DCX: variants seen among roughly 807,000 people sequenced by gnomAD.
DCX encodes the protein neuronal migration protein doublecortin.
Under a neutral mutation model 20.9 loss-of-function variants are expected in DCX, and 4 were observed. That is an observed-to-expected ratio of 0.19 (90% confidence interval 0.09 to 0.44). The LOEUF is 0.44. Ranked by LOEUF, DCX falls within the 20% of genes least tolerant of loss-of-function variation. The pLI is 0.99. For synonymous variants in DCX, 103 were observed against 111.4 expected, an observed-to-expected ratio of 0.92 and a Z score of 0.47; for missense variants, 133 against 296.9, an observed-to-expected ratio of 0.45 and a Z score of 4.06.
chrX:111,383,167 C>T (rs1926113694), intron 3 of DCX, among the ~76,000 whole-genome samples: 1 of 111,045 alleles, frequency 9.0e-6, no homozygotes, highest in African/African-American at 3.3e-5. Context: ...ATGCTAAAAT[C>T]CCCAAACCTC....
chrX:111,318,747 G>A (rs1007050162), intron 5 of DCX, among the ~76,000 whole-genome samples: 1 of 110,941 alleles, frequency 9.0e-6, no homozygotes. Context: ...TAAATGATGA[G>A]AACACATGGA....
chrX:111,397,762 T>C (rs778860888), intron 3 of DCX, among the ~76,000 whole-genome samples: 36 of 107,613 alleles, frequency 3.3e-4, no homozygotes, highest in African/African-American at 1.2e-3. Flanking sequence ...TGTGCATGTG[T>C]GTGTGTGTAT....
At chrX:111,364,893 G>C (rs1394859544) in intron 3 of DCX, among the ~76,000 whole-genome samples, 1 of 109,181 alleles carries the variant, frequency 9.2e-6, no homozygotes, top group Non-Finnish European at 1.9e-5. Flanking sequence ...GTTTTGTTTT[G>C]TTTTGTTTTG....
chrX:111,388,736 G>C (rs1009359651), intron 3 of DCX, among the ~76,000 whole-genome samples: 1 of 112,069 alleles, frequency 8.9e-6, no homozygotes, highest in African/African-American at 3.2e-5. Flanking sequence ...AACACAGTGA[G>C]GATTGATTTG....
At chrX:111,344,608 G>A (rs186610379) in intron 3 of DCX, among the ~76,000 whole-genome samples, 77 of 110,624 alleles carry the variant, frequency 7.0e-4, no homozygotes, top group African/African-American at 2.4e-3. Context: ...GACAAGCAGA[G>A]AACAAAATCA....
chrX:111,363,858 T>A (rs1924404647), intron 3 of DCX, among the ~76,000 whole-genome samples: 1 of 111,668 alleles, frequency 9.0e-6, no homozygotes, highest in South Asian at 3.8e-4. Context: ...TCAATGAAGA[T>A]TAAGTGAAAT....
Position 111,333,157 on chromosome X carries a change from T to C in DCX, c.706-4A>G, listed in dbSNP as rs375649198. The C allele has an allele frequency of 2.1e-5, 25 of 1,168,431 alleles. No individual in the cohort carries two copies. The East Asian group carries it at 2.4e-4, about 11-fold the overall frequency. ...AGAAATCATGGAGACAAGTTACCTA[T>C]GGAGAAAGCAGAAACACTGATTGTA... On this transcript the variant is annotated splice_polypyrimidine_tract_variant and splice_region_variant and intron_variant, in intron 3 of 6. Transcript: ENST00000636035.
rs770716684 is a variant in DCX at position 111,297,657 on chromosome X, A to T, written c.*4030T>A. On this transcript the variant is annotated 3_prime_UTR_variant, in exon 7 of 7. Coordinates refer to ENST00000636035, the MANE Select transcript of DCX (RefSeq NM_001195553.2). Reference sequence around the variant, plus strand: ...TGAGGAGTGGGGTAAGCCCAGAAGGAGGTCTCTTAGAACTGAACTAATAAA... The same window carrying T: ...TGAGGAGTGGGGTAAGCCCAGAAGGTGGTCTCTTAGAACTGAACTAATAAA... The T allele has an allele frequency of 3.6e-5, 4 of 111,707 alleles. No individual in the cohort carries two copies. Among genetic ancestry groups the T allele is most frequent in the Non-Finnish European group, 7.5e-5 (4 of 53,126 alleles). The allele number at this position is 111,707 out of a possible 1,213,427, so 9.2% of individuals were successfully genotyped here.
rs780480548 is a variant in DCX, at chrX:111,393,315, CA to C, written c.705+7674del. ...AAAGAACCTTGACTCTTATCCTGTA[CA>C]CAAAAATTAACACAAAATGGATCAG... On this transcript the variant is annotated intron_variant, in intron 3 of 6. Transcript: ENST00000636035. Among the ~76,000 whole-genome samples the C allele has an allele frequency of 2.5e-3, 278 of 111,496 alleles. 1 individual carries two copies. The highest frequency in any genetic ancestry group is 0.023 in the Middle Eastern group (5 of 216).
At chrX:111,344,674 C>G (rs1348360738) in intron 3 of DCX, among the ~76,000 whole-genome samples, 1 of 111,182 alleles carries the variant, frequency 9.0e-6, no homozygotes, top group Non-Finnish European at 1.9e-5. Flanking sequence ...CCTAGGAATA[C>G]AGCTAACAAG....
intron 2 of DCX, among the ~76,000 whole-genome samples, chrX:111,402,782 GGT>G (rs200058275): frequency 0.051 from 4,909 of 96,760 alleles, 243 homozygotes; most frequent in African/African-American, 0.14. Context: ...GTGTGTGCGT[GGT>G]GTGTGTGTGT....
intron 4 of DCX, among the ~76,000 whole-genome samples, chrX:111,331,496 C>T (rs1326096672): frequency 8.9e-6 from 1 of 111,968 alleles, no homozygotes; most frequent in Non-Finnish European, 1.9e-5. Flanking sequence ...ACATGCCACA[C>T]GTTGATAGAC....
chrX:111,382,700 C>T (rs779957495), intron 3 of DCX, among the ~76,000 whole-genome samples: 1 of 111,558 alleles, frequency 9.0e-6, no homozygotes, highest in East Asian at 2.8e-4. Flanking sequence ...ATAGACCTAA[C>T]ACACATAAAA....
chrX:111,306,553 C>T (rs2095045760), intron 6 of DCX, among the ~76,000 whole-genome samples: 1 of 111,117 alleles, frequency 9.0e-6, no homozygotes, highest in Non-Finnish European at 1.9e-5. Context: ...AAATAGAGGA[C>T]TTGAATAATA....
At chrX:111,320,936 T>C (rs982825860) in intron 5 of DCX, among the ~76,000 whole-genome samples, 2 of 110,488 alleles carry the variant, frequency 1.8e-5, no homozygotes, top group African/African-American at 6.6e-5. Context: ...CCAAAGCCTA[T>C]ATGGTTTTTT....
Position 111,350,549 on chromosome X carries a change from C to A in DCX, c.706-17396G>T, listed in dbSNP as rs753536158. On this transcript the variant is annotated intron_variant, in intron 3 of 6. Transcript: ENST00000636035. ...AATGTCTACAAAAAAAGGACATGGA[C>A]TAGAACTTGGGTTTGAGCTCCTGGT... 3.6e-5 allele frequency among the ~76,000 whole-genome samples: 4 copies of A among 111,475 alleles called. No homozygotes were observed. The South Asian group carries it at 1.5e-3, about 43-fold the overall frequency.
chrX:111,366,280 C>G (rs1180799736), intron 3 of DCX, among the ~76,000 whole-genome samples: 1 of 111,523 alleles, frequency 9.0e-6, no homozygotes, highest in Non-Finnish European at 1.9e-5. Context: ...ACCATTAAAG[C>G]AATTAAACAG....
intron 3 of DCX, among the ~76,000 whole-genome samples, chrX:111,348,639 G>T (rs940398890): frequency 1.8e-5 from 2 of 110,312 alleles, no homozygotes; most frequent in African/African-American, 6.6e-5. Flanking sequence ...GAAAGAACTG[G>T]GGTGGAAAAA....
intron 5 of DCX, among the ~76,000 whole-genome samples, chrX:111,328,889 C>G (rs2095105886): frequency 9.0e-6 from 1 of 110,578 alleles, no homozygotes; most frequent in South Asian, 3.9e-4. Context: ...GAGCCAGAAC[C>G]ACCTAGATAA....
Sources: gnomAD v4.1 joint callset for allele counts (sites outside exome capture counted in the v4.1 genomes callset) on GRCh38, gnomAD v4.1.1 for gene constraint, MANE v1.5 for transcripts, NCBI Gene and HGNC (gene_info 2026-07-23, HGNC 2026-07-21) for gene names.